LRP1B: variants seen among roughly 807,000 people sequenced by gnomAD.
LRP1B encodes the protein low-density lipoprotein receptor-related protein 1B.
In LRP1B, 217 loss-of-function variants were observed where a neutral mutation model predicts 556.6. The observed-to-expected ratio is 0.39, with a 90% CI of 0.35 to 0.44. The LOEUF (loss-of-function observed/expected upper bound fraction) is 0.44. Among genes scored for constraint, LRP1B ranks in the 20% least tolerant of loss-of-function variants. The pLI is 1.00. For synonymous variants in LRP1B, 2,047 were observed against 1,865.8 expected (o/e 1.10, Z -2.50); for missense variants, 5,053 against 5,620.8 (o/e 0.90, Z 3.23).
intron 86 of LRP1B, among the ~76,000 whole-genome samples, chr2:140,270,016 A>G (rs1682386293): frequency 6.6e-6 from 1 of 151,974 alleles, no homozygotes; most frequent in African/African-American, 2.4e-5. Context: ...GCATGTCTGA[A>G]ATGGTACGAT....
chr2:140,687,894 G>T (rs1686105183), intron 41 of LRP1B, among the ~76,000 whole-genome samples: 1 of 152,034 alleles, frequency 6.6e-6, no homozygotes, highest in African/African-American at 2.4e-5. Flanking sequence ...GTGATCTACT[G>T]TTTTCTTAGA....
intron 1 of LRP1B, among the ~76,000 whole-genome samples, chr2:141,938,514 A>G (rs766774732): frequency 2.0e-5 from 3 of 152,170 alleles, no homozygotes; most frequent in Non-Finnish European, 2.9e-5. Context: ...TACAGCCTTT[A>G]TGGAGAACAG....
chr2:142,073,746 GC>G (rs1172709515), intron 1 of LRP1B, among the ~76,000 whole-genome samples: 9 of 152,110 alleles, frequency 5.9e-5, no homozygotes, highest in African/African-American at 2.2e-4. Flanking sequence ...TGGGTCATGG[GC>G]AGATTTTCCC....
At chr2:141,923,306 T>C (rs994235433) in intron 1 of LRP1B, among the ~76,000 whole-genome samples, 4 of 150,456 alleles carry the variant, frequency 2.7e-5, no homozygotes, top group African/African-American at 9.8e-5. Context: ...AAATAATTTT[T>C]TAATGGTGAG....
At chr2:140,479,414 C>A (rs1688127775) in intron 59 of LRP1B, among the ~76,000 whole-genome samples, 1 of 152,068 alleles carries the variant, frequency 6.6e-6, no homozygotes, top group Non-Finnish European at 1.5e-5. Context: ...TTACCCCAAT[C>A]TCATATGTAA....
At chr2:141,501,175 C>A (rs1048474429) in intron 2 of LRP1B, among the ~76,000 whole-genome samples, 2 of 152,054 alleles carry the variant, frequency 1.3e-5, no homozygotes, top group Admixed American at 6.5e-5. Flanking sequence ...ACTTAAGAAA[C>A]TTTCATCTTC....
chr2:140,787,173 C>T (rs62173597), intron 32 of LRP1B, among the ~76,000 whole-genome samples: 3,925 of 152,298 alleles, frequency 0.026, 70 homozygotes, highest in Non-Finnish European at 0.041. Flanking sequence ...GTCTGAACCA[C>T]ATTTTATCCT....
chr2:140,718,384 CA>C (rs373260775), intron 35 of LRP1B, among the ~76,000 whole-genome samples: 3 of 151,986 alleles, frequency 2.0e-5, no homozygotes, highest in Middle Eastern at 3.4e-3. Flanking sequence ...ATTTTTTGTT[CA>C]CTTTTTTCTT....
At chr2:141,147,371 GA>G (rs563226511) in intron 7 of LRP1B, among the ~76,000 whole-genome samples, 243 of 152,254 alleles carry the variant, frequency 1.6e-3, no homozygotes, top group African/African-American at 5.4e-3. Context: ...ATTTTAGAGG[GA>G]TAAAAATTGT....
At chr2:140,624,574 A>T (rs502908) in intron 41 of LRP1B, among the ~76,000 whole-genome samples, 150,523 of 152,282 alleles carry the variant, frequency 0.99, 74,420 homozygotes, top group Middle Eastern at 1. Context: ...GATATTCCCT[A>T]AGTCATTAAA....
intron 43 of LRP1B, among the ~76,000 whole-genome samples, chr2:140,596,399 C>T (rs917105883): frequency 2.0e-5 from 3 of 152,090 alleles, no homozygotes; most frequent in Non-Finnish European, 4.4e-5. Flanking sequence ...TCATTTTCTT[C>T]CCTGTCGATT....
intron 11 of LRP1B, among the ~76,000 whole-genome samples, chr2:141,038,634 A>G (rs1353439388): frequency 1.3e-5 from 2 of 152,200 alleles, no homozygotes; most frequent in African/African-American, 4.8e-5. Context: ...CAGTCTCACA[A>G]TTTGAGGTAG....
At chr2:140,822,888 A>G (rs1469183200) in intron 31 of LRP1B, among the ~76,000 whole-genome samples, 1 of 152,220 alleles carries the variant, frequency 6.6e-6, no homozygotes, top group African/African-American at 2.4e-5. Context: ...TCTTTCGACA[A>G]GACTCAGTTT....
chr2:142,033,698 C>T (rs1703781606), intron 1 of LRP1B, among the ~76,000 whole-genome samples: 1 of 151,724 alleles, frequency 6.6e-6, no homozygotes, highest in African/African-American at 2.4e-5. Flanking sequence ...AATGAGATGA[C>T]ACTGACTCTT....
chr2:141,504,686 GAACTCAAGGGATTGAGT>G (rs1393692918), intron 2 of LRP1B, among the ~76,000 whole-genome samples: 1 of 152,082 alleles, frequency 6.6e-6, no homozygotes, highest in Non-Finnish European at 1.5e-5. Context: ...GAACACTCTG[GAACTCAAGGGATTGAGT>G]TCTTACAATG....
At chr2:141,418,160 T>C (rs1313328744) in intron 3 of LRP1B, among the ~76,000 whole-genome samples, 2 of 152,134 alleles carry the variant, frequency 1.3e-5, no homozygotes, top group East Asian at 3.8e-4. Flanking sequence ...ATCAGATATA[T>C]GGTTTTCAAA....
At chr2:140,984,162 T>C (rs1696852145) in intron 17 of LRP1B, among the ~76,000 whole-genome samples, 1 of 151,846 alleles carries the variant, frequency 6.6e-6, no homozygotes, top group Non-Finnish European at 1.5e-5. Flanking sequence ...TGAGAGAGAT[T>C]AATAATTTTT....
chr2:141,791,870 C>T lies in LRP1B; in HGVS notation c.205+18409G>A, dbSNP rs535555561. On this transcript the variant is annotated intron_variant, in intron 2 of 90. Transcript: ENST00000389484. The stretch of plus-strand genomic sequence containing the variant: ...GTTATGTCCACTTACAAAAGATCAT[C>T]CAGCTAGTCAGTAGATCATGGCTAA... Among the ~76,000 whole-genome samples the T allele has an allele frequency of 3.9e-5, 6 of 152,098 alleles. No individual in the cohort carries two copies. The South Asian group carries it at 1.2e-3, about 32-fold the overall frequency.
chr2:141,638,568 C>T (rs1213285149), intron 2 of LRP1B, among the ~76,000 whole-genome samples: 1 of 118,372 alleles, frequency 8.4e-6, no homozygotes, highest in African/African-American at 2.9e-5. Flanking sequence ...AATGGAGCTT[C>T]GGGAAACACA....
Sources: gnomAD v4.1 joint callset for allele counts (sites outside exome capture counted in the v4.1 genomes callset) on GRCh38, gnomAD v4.1.1 for gene constraint, MANE v1.5 for transcripts, NCBI Gene and HGNC (gene_info 2026-07-23, HGNC 2026-07-21) for gene names.